XRN1: variants seen among roughly 807,000 people sequenced by gnomAD.
XRN1 encodes the protein 5'-3' exoribonuclease 1.
A neutral mutation model predicts 222.3 loss-of-function variants in XRN1; 67 were observed. The observed-to-expected ratio is 0.30, with a 90% confidence interval of 0.25 to 0.37. The LOEUF is 0.37. Ranked by LOEUF, XRN1 falls within the 10% of genes least tolerant of loss-of-function variation. The pLI, the probability that XRN1 is intolerant of heterozygous loss-of-function variation, is 1.00. For synonymous variants in XRN1, 643 were observed against 652.4 expected (o/e 0.99, Z 0.22); for missense variants, 1,707 against 2,000.2 (o/e 0.85, Z 2.80).
At position 142,347,671 on chromosome 3, in the gene XRN1, C is replaced by A. The variant is rs536091012; in HGVS notation, c.3769-329G>T. Among the ~76,000 whole-genome samples the A allele has an allele frequency of 4.6e-5, 7 of 151,920 alleles. No individual in the cohort carries two copies. In the South Asian group the frequency reaches 1.2e-3, roughly 27 times the overall value. On this transcript the variant is annotated intron_variant, in intron 32 of 40. Transcript: ENST00000392981. ...GAAGTGCAGTGGCACAATCTCGGCT[C>A]ACTGCAACCTCTGCCTCCCGGGTTC...
intron 23 of XRN1, among the ~76,000 whole-genome samples, chr3:142,379,665 A>G (rs937106014): frequency 5.3e-5 from 8 of 152,238 alleles, no homozygotes; most frequent in Admixed American, 3.3e-4. Flanking sequence ...AATATTCTTT[A>G]GGATTGAGAC....
At chr3:142,370,659 C>G (rs759013303) in intron 26 of XRN1, 39 bp from the exon 27 acceptor site, 23 of 1,523,880 alleles carry the variant, frequency 1.5e-5, no homozygotes, top group Non-Finnish European at 2.0e-5. Context: ...TTGATTAAAA[C>G]TTTCTCAGGG....
At chr3:142,349,751 G>T (rs1287477402) in intron 32 of XRN1, among the ~76,000 whole-genome samples, 1 of 152,070 alleles carries the variant, frequency 6.6e-6, no homozygotes. Flanking sequence ...AGGTTAGGCT[G>T]CTTATTAATG....
At chr3:142,351,338 G>C (rs1440320420) in intron 32 of XRN1, among the ~76,000 whole-genome samples, 1 of 152,176 alleles carries the variant, frequency 6.6e-6, no homozygotes, top group Non-Finnish European at 1.5e-5. Context: ...AATGACAAGT[G>C]AAGAATGGAT....
chr3:142,375,301 G>A (rs1283627730), intron 25 of XRN1, among the ~76,000 whole-genome samples: 2 of 152,218 alleles, frequency 1.3e-5, no homozygotes, highest in Non-Finnish European at 2.9e-5. Context: ...TATACTTCCT[G>A]TAAATCTTTG....
At chr3:142,376,452 A>C in intron 24 of XRN1, 27 bp downstream of exon 24, 1 of 1,522,348 alleles carries the variant, frequency 6.6e-7, no homozygotes, top group Non-Finnish European at 9.1e-7. Flanking sequence ...CTGCCACTTT[A>C]AGTAAATTTC....
intron 2 of XRN1, among the ~76,000 whole-genome samples, chr3:142,431,891 T>TA (rs1297591368): frequency 6.6e-4 from 23 of 35,084 alleles, no homozygotes; most frequent in African/African-American, 3.1e-3. Context: ...ATATTATATA[T>TA]AATATATATA....
intron 32 of XRN1, 25 bp downstream of exon 32, chr3:142,355,376 G>C: frequency 8.0e-7 from 1 of 1,245,484 alleles, no homozygotes; most frequent in Non-Finnish European, 1.1e-6. Flanking sequence ...TAAATTAATT[G>C]TCCATCAAAA....
intron 8 of XRN1, 28 bp downstream of exon 8, chr3:142,422,554 C>G (rs748858406): frequency 6.9e-6 from 11 of 1,604,302 alleles, no homozygotes; most frequent in Non-Finnish European, 9.4e-6. Flanking sequence ...ATTAAAGTAT[C>G]CTCGAGAGAT....
chr3:142,366,844 T>C (rs1470750596), intron 27 of XRN1, among the ~76,000 whole-genome samples: 1 of 152,204 alleles, frequency 6.6e-6, no homozygotes, highest in African/African-American at 2.4e-5. Flanking sequence ...TATTACACTA[T>C]AGCATTGATT....
At chr3:142,349,093 T>C (rs540003753) in intron 32 of XRN1, among the ~76,000 whole-genome samples, 1 of 152,132 alleles carries the variant, frequency 6.6e-6, no homozygotes, top group East Asian at 1.9e-4. Flanking sequence ...GCTGGGGCTA[T>C]GGGTATGTGC....
In XRN1 at chr3:142,383,383, T is replaced by C. The variant is rs779905087; in HGVS notation, c.2533A>G (p.Asn845Asp). ...AACAAATCATCCAATGTTTTGATAT[T>C]GGAGAAACGGGAGTCGAAAGCTCGG... The part of the protein sequence containing the change: ...DIRAFDSRFS[N>D]IKTLDDLFPL... Residue 845 changes from asparagine (N) to aspartate (D), a missense_variant, in exon 22 of 41, where the codon AAT (asparagine) becomes GAT (aspartate). This residue lies in a region of XRN1 where 1,234 missense variants were observed against 1,518.2 expected (regional missense o/e 0.81). Transcript: ENST00000392981. The C allele has an allele frequency of 1.2e-6, 2 of 1,613,918 alleles. No homozygotes were observed. Among genetic ancestry groups the C allele is most frequent in the Non-Finnish European group, 1.7e-6 (2 of 1,179,948 alleles).
intron 16 of XRN1, among the ~76,000 whole-genome samples, chr3:142,404,404 T>G (rs1429997381): frequency 6.6e-6 from 1 of 151,994 alleles, no homozygotes; most frequent in Non-Finnish European, 1.5e-5. Context: ...GCAACTCAAT[T>G]GCCATCTGGG....
chr3:142,315,339 C>G (rs2065184448), intron 39 of XRN1, among the ~76,000 whole-genome samples: 1 of 151,756 alleles, frequency 6.6e-6, no homozygotes, highest in African/African-American at 2.4e-5. Flanking sequence ...TGGGGGTTTT[C>G]TTGAGATAGG....
rs534134886 is a variant in XRN1, at chr3:142,423,273, T to A, written c.710+287A>T. On this transcript the variant is annotated intron_variant, in intron 6 of 40. Coordinates refer to ENST00000392981, the MANE Select transcript of XRN1 (RefSeq NM_001282857.2). ...ATGCAAGGAAGATTGGATATCCACA[T>A]GCAAAAGAATGAAGTTGGGCCCTTA... is the stretch of plus-strand genomic sequence containing the variant. 4.6e-5 allele frequency among the ~76,000 whole-genome samples: 7 copies of A among 152,242 alleles called. No individual in the cohort carries two copies. The East Asian group carries it at 1.3e-3, about 29-fold the overall frequency.
intron 1 of XRN1, among the ~76,000 whole-genome samples, chr3:142,435,670 T>A (rs2069854944): frequency 6.7e-6 from 1 of 148,782 alleles, no homozygotes; most frequent in African/African-American, 2.5e-5. Flanking sequence ...AGCATGAGAA[T>A]CGCTTGCACC....
At chr3:142,350,851 A>G (rs528890382) in intron 32 of XRN1, among the ~76,000 whole-genome samples, 1 of 152,298 alleles carries the variant, frequency 6.6e-6, no homozygotes, top group African/African-American at 2.4e-5. Flanking sequence ...AGGTAACGTA[A>G]GTTTGTGAGG....
intron 1 of XRN1, among the ~76,000 whole-genome samples, chr3:142,444,096 G>A (rs1323557064): frequency 2.0e-5 from 3 of 152,184 alleles, no homozygotes; most frequent in Non-Finnish European, 2.9e-5. Context: ...GGTAGTCGGG[G>A]AGTCAGGGGA....
intron 37 of XRN1, among the ~76,000 whole-genome samples, chr3:142,325,522 GTTT>G (rs201606928): frequency 6.6e-6 from 1 of 151,348 alleles, no homozygotes; most frequent in Admixed American, 6.6e-5. Flanking sequence ...GGGATTTTTT[GTTT>G]TTTTTCTCTT....
Sources: allele counts gnomAD v4.1 joint callset (sites outside exome capture counted in the v4.1 genomes callset), GRCh38; gene constraint gnomAD v4.1.1; regional missense constraint gnomAD v4.1.1; transcripts MANE v1.5; gene names NCBI Gene and HGNC (gene_info 2026-07-23, HGNC 2026-07-21).